Variants in BRD4 observed in about 807,000 individuals in gnomAD.
BRD4 encodes bromodomain containing 4, also known as bromodomain-containing protein 4.
Under a neutral mutation model 142.1 loss-of-function variants are expected in BRD4, and 16 were observed. The observed-to-expected ratio is 0.11, with a 90% confidence interval of 0.08 to 0.17. The LOEUF (loss-of-function observed/expected upper bound fraction) is 0.17. Among genes scored for constraint, BRD4 ranks in the 10% least tolerant of loss-of-function variants. The pLI is 1.00. For synonymous variants in BRD4, 833 were observed against 707.5 expected (o/e 1.18, Z -2.82); for missense variants, 1,424 against 1,810.9 (o/e 0.79, Z 3.88).
chr19:15,245,060 T>TC, intron 11 of BRD4: 1 of 503,650 alleles, frequency 2.0e-6, no homozygotes, highest in Non-Finnish European at 3.6e-6. Flanking sequence ...GCCCAACGCC[T>TC]CCCACTACTC....
At chr19:15,329,119 C>T (rs576854959) in intron 1 of BRD4, among the ~76,000 whole-genome samples, 3 of 151,482 alleles carry the variant, frequency 2.0e-5, no homozygotes, top group Non-Finnish European at 4.4e-5. Flanking sequence ...TTTTATCTTT[C>T]CAAACTCATC....
chr19:15,257,092 G>A lies in BRD4; in HGVS notation c.1423C>T (p.Pro475Ser). 2.5e-6 allele frequency: 4 copies of A among 1,608,314 alleles called. No homozygotes were observed. The South Asian group carries it at 3.3e-5, about 13-fold the overall frequency. The change falls in exon 8 of 20, where the codon CCT (proline) becomes TCT (serine). Residue 475 changes from proline (P) to serine (S), a missense_variant. Pro to Ser is a moderately conservative substitution (Grantham distance 74). Transcript: ENST00000679869. ...VVAVSSPAVP[P>S]PTKVVAPPSS... ...GGCGGGGCCACAACCTTGGTGGGAG[G>A]GGGCACTGCCGGGGAGGACACGGCC...
chr19:15,249,083 G>A (rs2145538260), intron 11 of BRD4: 2 of 817,206 alleles, frequency 2.4e-6, no homozygotes, highest in Non-Finnish European at 1.9e-6. Flanking sequence ...CAGGCAGGCA[G>A]CCTTCCCGAA....
In BRD4 at chr19:15,238,517, C is replaced by T; in HGVS notation, c.4021-72G>A. On this transcript the variant is annotated intron_variant, in intron 19 of 19. Transcript: ENST00000679869. The surrounding 1 kb of genome is among the most constrained non-coding windows in gnomAD (Gnocchi z 7.2). ...CTGCAGCTACAAGCCCTCATACCCG[C>T]TACCAGCAGTCAGCCCCGTAGCCCT... 3 of 1,608,980 alleles carry T rather than the reference C, an allele frequency of 1.9e-6. No homozygotes were observed. Among genetic ancestry groups the T allele is most frequent in the Non-Finnish European group, 2.5e-6 (3 of 1,177,978 alleles).
At chr19:15,309,338 CAAAAA>C (rs59956347) in intron 1 of BRD4, among the ~76,000 whole-genome samples, 5 of 72,934 alleles carry the variant, frequency 6.9e-5, no homozygotes, top group African/African-American at 1.0e-4. Flanking sequence ...ACTCCACCTC[CAAAAA>C]AAAAAAAAAA....
chr19:15,244,858 A>C, intron 11 of BRD4, 96 bp from the exon 12 acceptor site: 1 of 1,597,134 alleles, frequency 6.3e-7, no homozygotes, highest in Non-Finnish European at 8.5e-7. Context: ...CACTTTCAGG[A>C]GAAGGACCAG....
chr19:15,261,300 T>TA (rs34549567), intron 7 of BRD4, among the ~76,000 whole-genome samples: 29,413 of 151,964 alleles, frequency 0.19, 2,979 homozygotes, highest in African/African-American at 0.24. Context: ...GCCTGACCAA[T>TA]CGGCAAAACC....
Position 15,239,646 on chromosome 19 carries a change from G to A in BRD4, c.3445+13C>T. On this transcript the variant is annotated intron_variant, in intron 16 of 19. Transcript: ENST00000679869. This position sits in a 1 kb window ranked among gnomAD's most constrained non-coding sequence, Gnocchi z 7.4. ...GGGCCTGAGCCCTGGCTGTGGGCAG[G>A]GAGAGCACTCACGCTGGGGCAGGTG... 7 of 1,571,490 alleles carry A rather than the reference G, an allele frequency of 4.5e-6. No homozygotes were observed. The highest frequency in any genetic ancestry group is 4.3e-6 in the Non-Finnish European group (5 of 1,167,794).
chr19:15,329,907 T>C (rs947229919), intron 1 of BRD4, among the ~76,000 whole-genome samples: 18 of 152,210 alleles, frequency 1.2e-4, no homozygotes, highest in Admixed American at 7.2e-4. Context: ...AGGCAACTTT[T>C]AGAAACAAAG....
rs1164538389 is a variant in BRD4 at position 15,243,085 on chromosome 19, C to T, written c.2984G>A (p.Arg995Gln). The change falls in exon 14 of 20, where the codon CGG (arginine) becomes CAG (glutamine). Residue 995 changes from arginine to glutamine, a missense_variant. Arg to Gln is a conservative substitution (Grantham distance 43, BLOSUM62 1). Coordinates refer to ENST00000679869, the MANE Select transcript of BRD4 (RefSeq NM_001379291.1). The part of the protein sequence containing the change: ...PPQQQHQPPP[R>Q]PVHLQPMQFS... ...CTGCATGGGCTGCAAGTGCACGGGC[C>T]GTGGAGGGGGCTGATGCTGCTGCTG... The T allele has an allele frequency of 3.7e-6, 5 of 1,367,020 alleles. No homozygotes were observed. Among genetic ancestry groups the T allele is most frequent in the South Asian group, 1.7e-5 (1 of 58,650 alleles). 84.7% of individuals were successfully genotyped at this position (1,367,020 alleles called of 1,614,324 possible).
chr19:15,305,643 T>C (rs888802803), intron 1 of BRD4, among the ~76,000 whole-genome samples: 1 of 152,236 alleles, frequency 6.6e-6, no homozygotes, highest in East Asian at 1.9e-4. Flanking sequence ...AATTTAGATT[T>C]ACCATAATTC....
At chr19:15,316,641 G>A (rs1303518664) in intron 1 of BRD4, among the ~76,000 whole-genome samples, 2 of 152,236 alleles carry the variant, frequency 1.3e-5, no homozygotes, top group Non-Finnish European at 2.9e-5. Context: ...CCAAATCAAG[G>A]CAACTTGGTT....
intron 1 of BRD4, among the ~76,000 whole-genome samples, chr19:15,325,997 CAAAAAAAAAAAAA>C (rs35801340): frequency 2.0e-5 from 1 of 50,746 alleles, no homozygotes; most frequent in Non-Finnish European, 3.6e-5. Flanking sequence ...GACTCCGTCT[CAAAAAAAAAAAAA>C]AAAAAAAAGA....
intron 1 of BRD4, among the ~76,000 whole-genome samples, chr19:15,325,922 C>T (rs1207082576): frequency 7.1e-6 from 1 of 141,612 alleles, no homozygotes; most frequent in Non-Finnish European, 1.5e-5. Flanking sequence ...CACTTGAACC[C>T]GGGAGGCAGA....
chr19:15,300,417 T>C (rs369406702), intron 1 of BRD4, among the ~76,000 whole-genome samples: 1 of 150,900 alleles, frequency 6.6e-6, no homozygotes, highest in South Asian at 2.1e-4. Context: ...AAGCCAGGTG[T>C]GGCGGTGGGT....
chr19:15,251,174 G>A (rs1015203295), intron 11 of BRD4, among the ~76,000 whole-genome samples: 1 of 152,052 alleles, frequency 6.6e-6, no homozygotes, highest in Non-Finnish European at 1.5e-5. Context: ...CCTCCTGCCT[G>A]TGTTCCGTTG....
chr19:15,282,287 A>T (rs531633007), intron 1 of BRD4, among the ~76,000 whole-genome samples: 1 of 152,366 alleles, frequency 6.6e-6, no homozygotes, highest in African/African-American at 2.4e-5. Context: ...AGATTTCTAG[A>T]CTTTGTGAAG....
intron 1 of BRD4, among the ~76,000 whole-genome samples, chr19:15,312,832 G>A (rs1447595855): frequency 1.3e-5 from 2 of 151,962 alleles, no homozygotes; most frequent in East Asian, 1.9e-4. Flanking sequence ...CTACCCCAGA[G>A]GCTGAGGCAA....
intron 1 of BRD4, among the ~76,000 whole-genome samples, chr19:15,308,583 C>A (rs1215191128): frequency 1.4e-5 from 2 of 139,896 alleles, no homozygotes; most frequent in East Asian, 4.3e-4. Context: ...CGAGAGTCTA[C>A]CTAAAAAAAA....
Sources: allele counts gnomAD v4.1 joint callset (sites outside exome capture counted in the v4.1 genomes callset), GRCh38; gene constraint gnomAD v4.1.1; non-coding constraint Gnocchi (gnomAD v3.1); transcripts MANE v1.5; gene names NCBI Gene and HGNC (gene_info 2026-07-23, HGNC 2026-07-21).